The following MYO9B variants were observed in gnomAD, a reference collection of about 807,000 sequenced individuals.
The protein encoded by MYO9B is unconventional myosin-IXb.
In MYO9B, 71 loss-of-function variants were observed where a neutral mutation model predicts 229.5. That is an observed-to-expected ratio of 0.31 (90% confidence interval 0.26 to 0.38). The LOEUF (loss-of-function observed/expected upper bound fraction) is 0.38, where lower values mean the gene tolerates loss of function less well. MYO9B is among the 10% of genes least tolerant of loss of function. MYO9B has a pLI of 1.00. For synonymous variants in MYO9B, 1,185 were observed against 1,235.8 expected, an observed-to-expected ratio of 0.96 and a Z score of 0.86; for missense variants, 2,255 against 2,920.5, an observed-to-expected ratio of 0.77 and a Z score of 5.25.
chr19:17,106,170 A>G (rs1242586658), intron 2 of MYO9B, among the ~76,000 whole-genome samples: 5 of 151,870 alleles, frequency 3.3e-5, no homozygotes, highest in Admixed American at 3.3e-4. Flanking sequence ...TAATTTTTAA[A>G]TTTTCTGTAG....
rs1459636149 is a variant in MYO9B at position 17,195,163 on chromosome 19, G to A, written c.3736G>A (p.Gly1246Ser). The stretch of plus-strand genomic sequence containing the variant: ...GCTGCCCAGTGGGAGCCCCAGGCCT[G>A]GCCAGTTGGAGCGGCCGACCAGCCT... ...KTLPSGSPRP[G>S]QLERPTSLAL... is the part of the protein sequence containing the mutation. The change falls in exon 22 of 40, where the codon GGC becomes AGC. Residue 1246 changes from glycine to serine, a missense_variant. Physicochemically the swap from Gly to Ser is moderately conservative, Grantham distance 56. Coordinates refer to ENST00000682292, the MANE Select transcript of MYO9B (RefSeq NM_004145.4). The surrounding 1 kb of genome is among the most constrained non-coding windows in gnomAD (Gnocchi z 4.5). 1.2e-6 allele frequency: 2 copies of A among 1,611,344 alleles called. No homozygotes were observed. The highest frequency in any genetic ancestry group is 1.7e-6 in the Non-Finnish European group (2 of 1,179,336).
Position 17,102,167 on chromosome 19 carries a change from C to G in MYO9B, c.450C>G (p.Asp150Glu). 6.2e-7 allele frequency: 1 copy of G among 1,613,836 alleles called. No homozygotes were observed. The highest frequency in any genetic ancestry group is 8.5e-7 in the Non-Finnish European group (1 of 1,179,878). Reference protein sequence around the residue: ...LLPRQQADFDDLCNLPELTEG... With the variant: ...LLPRQQADFDELCNLPELTEG... Reference sequence around the variant, plus strand: ...CACGGCAGCAGGCGGACTTTGATGACCTGTGTAACCTCCCCGAGCTAACCG... The same window carrying G: ...CACGGCAGCAGGCGGACTTTGATGAGCTGTGTAACCTCCCCGAGCTAACCG... The change falls in exon 2 of 40, where the codon GAC becomes GAG. Residue 150 changes from aspartate to glutamate, a missense_variant. Physicochemically the swap from Asp to Glu is conservative, Grantham distance 45. Coordinates refer to ENST00000682292, the MANE Select transcript of MYO9B (RefSeq NM_004145.4).
intron 11 of MYO9B, among the ~76,000 whole-genome samples, chr19:17,170,670 A>AAAAAAAAAC (rs1568283598): frequency 1.8e-5 from 2 of 113,128 alleles, no homozygotes; most frequent in African/African-American, 3.9e-5. Context: ...AAAAAAAAAA[A>AAAAAAAAAC]AAAACTAGCT....
intron 2 of MYO9B, among the ~76,000 whole-genome samples, chr19:17,116,917 C>G (rs2057909953): frequency 6.6e-6 from 1 of 152,132 alleles, no homozygotes; most frequent in African/African-American, 2.4e-5. Flanking sequence ...CAACACAGCC[C>G]TGACGTTTGG....
rs538697410 is a variant in MYO9B at position 17,138,817 on chromosome 19, A to G, written c.841-6580A>G. Among the ~76,000 whole-genome samples the G allele has an allele frequency of 7.0e-4, 107 of 152,328 alleles. 1 individual carries two copies. The highest frequency in any genetic ancestry group is 2.5e-3 in the African/African-American group (105 of 41,586). ...CACACTTCGGCTGTAGGTGTTTAGT[A>G]GGTTATATACTACTAATAGGTGTGT... On this transcript the variant is annotated intron_variant, in intron 2 of 39. Coordinates refer to ENST00000682292, the MANE Select transcript of MYO9B (RefSeq NM_004145.4).
At chr19:17,209,385 A>G (rs2073199940) in intron 35 of MYO9B, among the ~76,000 whole-genome samples, 1 of 152,198 alleles carries the variant, frequency 6.6e-6, no homozygotes, top group African/African-American at 2.4e-5. Context: ...GGAGGCGTGC[A>G]GAGACAGGAG....
intron 2 of MYO9B, among the ~76,000 whole-genome samples, chr19:17,132,266 A>G (rs1407681949): frequency 7.4e-6 from 1 of 135,198 alleles, no homozygotes; most frequent in Non-Finnish European, 1.5e-5. Context: ...ACTCACTGCA[A>G]CCTCCACCTC....
chr19:17,131,062 T>C (rs2072189952), intron 2 of MYO9B, among the ~76,000 whole-genome samples: 1 of 152,148 alleles, frequency 6.6e-6, no homozygotes, highest in Non-Finnish European at 1.5e-5. Flanking sequence ...GCAAGAATCC[T>C]GTTAGGTCGG....
Position 17,200,417 on chromosome 19 carries a change from G to T in MYO9B, c.4363G>T (p.Gly1455Cys), listed in dbSNP as rs117099942. Residue 1455 changes from glycine (G) to cysteine (C), a missense_variant, in exon 25 of 40, where the codon GGC becomes TGC. Coordinates refer to ENST00000682292, the MANE Select transcript of MYO9B (RefSeq NM_004145.4). ...GCTGGAAGCCACCACCATGAAGAAGGGCCTGGAAGGTTGGTAGCCTGCAGC... is the reference window on the plus strand; with the variant it reads ...GCTGGAAGCCACCACCATGAAGAAGTGCCTGGAAGGTTGGTAGCCTGCAGC... Reference protein sequence around the residue: ...VVLEATTMKKGLEAPSGQQHR... With the variant: ...VVLEATTMKKCLEAPSGQQHR... The T allele has an allele frequency of 3.2e-6, 5 of 1,579,006 alleles. No homozygotes were observed. In the African/African-American group the frequency reaches 6.7e-5, roughly 21 times the overall value.
chr19:17,209,802 G>T, intron 36 of MYO9B, 93 bp downstream of exon 36: 1 of 1,502,924 alleles, frequency 6.7e-7, no homozygotes. Flanking sequence ...TGCTGGGAAG[G>T]CTGGTGAGTG....
At chr19:17,160,253 C>T (rs982245771) in intron 8 of MYO9B, among the ~76,000 whole-genome samples, 16 of 152,126 alleles carry the variant, frequency 1.1e-4, no homozygotes, top group Admixed American at 4.6e-4. Flanking sequence ...CAGGGCACCA[C>T]GTGATATTGC....
At chr19:17,199,700 C>CTTTTTT (rs59510773) in intron 24 of MYO9B, among the ~76,000 whole-genome samples, 6 of 68,782 alleles carry the variant, frequency 8.7e-5, no homozygotes, top group Admixed American at 2.0e-4. Flanking sequence ...CTTTTTTTTT[C>CTTTTTT]TTTTTTTTTT....
chr19:17,176,482 C>T (rs1168952894), intron 14 of MYO9B, among the ~76,000 whole-genome samples: 2 of 152,150 alleles, frequency 1.3e-5, no homozygotes, highest in Admixed American at 6.6e-5. Context: ...CATTCTAAAC[C>T]CAGGTCGAGG....
At chr19:17,206,512 A>C in intron 33 of MYO9B, 136 bp downstream of exon 33, 1 of 1,401,538 alleles carries the variant, frequency 7.1e-7, no homozygotes, top group Non-Finnish European at 9.5e-7. Flanking sequence ...GCCCAGCCAA[A>C]CCGGGTCCCC....
In MYO9B at chr19:17,192,968, T is replaced by C; in HGVS notation, c.3034T>C (p.Trp1012Arg). 6.5e-7 allele frequency: 1 copy of C among 1,528,814 alleles called. No homozygotes were observed. Among genetic ancestry groups the C allele is most frequent in the Non-Finnish European group, 8.8e-7 (1 of 1,131,890 alleles). 94.7% of individuals were successfully genotyped at this position (1,528,814 alleles called of 1,614,324 possible). A position where few individuals can be genotyped will look rare whatever the true frequency, so the allele number is the denominator to read the frequency against. Residue 1012 changes from tryptophan (W) to arginine (R), a missense_variant, in exon 21 of 40, where the codon TGG (tryptophan) becomes CGG (arginine). Trp to Arg is a moderately radical substitution (Grantham distance 101, BLOSUM62 -3). Transcript: ENST00000682292. The stretch of plus-strand genomic sequence containing the variant: ...GGCTGCCGTGTACCTCCAGGCCTCA[T>C]GGAGGGGCTACTGGCAGCGGAAGCT... ...TQAAVYLQAS[W>R]RGYWQRKLYR...
chr19:17,190,064 CAAAA>C (rs36086676), intron 19 of MYO9B, among the ~76,000 whole-genome samples: 152 of 127,116 alleles, frequency 1.2e-3, no homozygotes, highest in Admixed American at 1.6e-3. Flanking sequence ...GACTCCGTCT[CAAAA>C]AAAAAAAAAA....
In MYO9B at chr19:17,212,126, G is replaced by A. The variant is rs768257894; in HGVS notation, c.6290G>A (p.Arg2097Gln). 18 of 1,589,614 alleles carry A rather than the reference G, an allele frequency of 1.1e-5. No homozygotes were observed. Among genetic ancestry groups the A allele is most frequent in the South Asian group, 3.4e-5 (3 of 88,576 alleles). Residue 2097 changes from arginine (R) to glutamine (Q), a missense_variant, in exon 40 of 40, where the codon CGG becomes CAG. By Grantham distance (43) the Arg-to-Gln change is conservative (BLOSUM62 1). Coordinates refer to ENST00000682292, the MANE Select transcript of MYO9B (RefSeq NM_004145.4). This position sits in a 1 kb window ranked among gnomAD's most constrained non-coding sequence, Gnocchi z 5.4. ...GAGGCGGCTGCCCCAGTGCGGCGCC[G>A]GGAGCCACCTGCCCGCCGCCCGGAC... is the stretch of plus-strand genomic sequence containing the variant. ...AREAAAPVRR[R>Q]EPPARRPDQI...
At position 17,131,855 on chromosome 19, in the gene MYO9B, G is replaced by A. The variant is rs149195292; in HGVS notation, c.841-13542G>A. On this transcript the variant is annotated intron_variant, in intron 2 of 39. Coordinates refer to ENST00000682292, the MANE Select transcript of MYO9B (RefSeq NM_004145.4). ...TTTCTTTCTTCTGTGCTTTTCACGA[G>A]GTTTTTAAAATTTTTCTTTAATTTT... Among the ~76,000 whole-genome samples the A allele has an allele frequency of 2.9e-3, 435 of 151,490 alleles. 1 individual carries two copies. Among genetic ancestry groups the A allele is most frequent in the African/African-American group, 1.0e-2 (412 of 41,262 alleles).
intron 10 of MYO9B, among the ~76,000 whole-genome samples, chr19:17,166,568 G>A (rs1346698200): frequency 6.6e-6 from 1 of 151,536 alleles, no homozygotes; most frequent in African/African-American, 2.4e-5. Context: ...CTTGTGTCAT[G>A]GGGGTTTGTT....
Sources: gnomAD v4.1 joint callset for allele counts (sites outside exome capture counted in the v4.1 genomes callset) on GRCh38, gnomAD v4.1.1 for gene constraint, Gnocchi (gnomAD v3.1) non-coding constraint, MANE v1.5 for transcripts, NCBI Gene and HGNC (gene_info 2026-07-23, HGNC 2026-07-21) for gene names.